BTBD7: variants seen among roughly 807,000 people sequenced by gnomAD.
BTBD7 encodes the protein BTB domain containing 7, also known as BTB/POZ domain-containing protein 7.
In BTBD7, 38 loss-of-function variants were observed where a neutral mutation model predicts 99.9. That is an observed-to-expected ratio of 0.38 (90% CI 0.29 to 0.50). The LOEUF (loss-of-function observed/expected upper bound fraction) is 0.50, where lower values mean the gene tolerates loss of function less well. Ranked by LOEUF, BTBD7 falls within the 20% of genes least tolerant of loss-of-function variation. BTBD7 has a pLI of 0.93. For synonymous variants in BTBD7, 520 were observed against 511.4 expected (o/e 1.02, Z -0.23); for missense variants, 1,170 against 1,394.6 (o/e 0.84, Z 2.57).
intron 1 of BTBD7, among the ~76,000 whole-genome samples, chr14:93,321,661 T>C (rs542619689): frequency 2.0e-5 from 3 of 152,194 alleles, no homozygotes; most frequent in Admixed American, 6.5e-5. Context: ...GCAATTACAA[T>C]GTAGGGGAAG....
At chr14:93,324,849 T>C (rs2139829926) in intron 1 of BTBD7, among the ~76,000 whole-genome samples, 1 of 152,292 alleles carries the variant, frequency 6.6e-6, no homozygotes, top group East Asian at 1.9e-4. Flanking sequence ...GCTGCATGCA[T>C]GAACAAAAGC....
At chr14:93,247,816 G>A (rs2052329782) in intron 9 of BTBD7, among the ~76,000 whole-genome samples, 1 of 152,188 alleles carries the variant, frequency 6.6e-6, no homozygotes, top group Admixed American at 6.5e-5. Flanking sequence ...TATTGCTTTT[G>A]TATCTAATAA....
At chr14:93,288,183 T>C (rs1243865768) in intron 3 of BTBD7, 2 of 269,128 alleles carry the variant, frequency 7.4e-6, no homozygotes, top group Non-Finnish European at 1.4e-5. Flanking sequence ...ACTTTTTATA[T>C]AGAAATTCCT....
At chr14:93,332,586 C>T (rs2053456000) in intron 1 of BTBD7, among the ~76,000 whole-genome samples, 1 of 151,542 alleles carries the variant, frequency 6.6e-6, no homozygotes, top group African/African-American at 2.4e-5. Context: ...CGGCGGCGCG[C>T]TCCAGCCCGC....
chr14:93,271,531 G>C (rs1411715757), intron 3 of BTBD7, among the ~76,000 whole-genome samples: 1 of 152,170 alleles, frequency 6.6e-6, no homozygotes, highest in African/African-American at 2.4e-5. Context: ...GTACAAACAG[G>C]CTCGAGAGAA....
chr14:93,289,839 C>T (rs1019581450), intron 3 of BTBD7, among the ~76,000 whole-genome samples: 3 of 147,098 alleles, frequency 2.0e-5, no homozygotes, highest in Non-Finnish European at 4.5e-5. Flanking sequence ...CCAAGAATCT[C>T]AACTCTCTGG....
In BTBD7 at chr14:93,294,867, C is replaced by T; in HGVS notation, c.153G>A (p.Glu51=). Residue 51 remains glutamate, a synonymous_variant, in exon 3 of 11, where the codon GAG becomes GAA. Transcript: ENST00000334746. ...SKLYSLDHGH[E]KPQDKKKRTS... is the part of the protein sequence containing the mutation. ...TTCTCTTTTTTTTGTCTTGTGGTTT[C>T]TCATGGCCATGGTCAAGGCTATACA... 6.2e-7 allele frequency: 1 copy of T among 1,613,742 alleles called. No individual in the cohort carries two copies. The highest frequency in any genetic ancestry group is 1.1e-5 in the South Asian group (1 of 91,046).
chr14:93,274,741 C>T (rs2052636795), intron 3 of BTBD7, among the ~76,000 whole-genome samples: 1 of 152,166 alleles, frequency 6.6e-6, no homozygotes, highest in Non-Finnish European at 1.5e-5. Flanking sequence ...CGAGGCTCTA[C>T]TTTTTGGAGG....
At position 93,238,005 on chromosome 14, in the gene BTBD7, ATC is replaced by A. The variant is rs1445733945; in HGVS notation, c.*4266_*4267del. The A allele has an allele frequency of 6.6e-6, 1 of 152,424 alleles. No individual in the cohort carries two copies. The highest frequency in any genetic ancestry group is 1.5e-5 in the Non-Finnish European group (1 of 68,052). The allele number at this position is 152,424 out of a possible 1,614,324, so 9.4% of individuals were successfully genotyped here. On this transcript the variant is annotated 3_prime_UTR_variant, in exon 11 of 11. Coordinates refer to ENST00000334746, the MANE Select transcript of BTBD7 (RefSeq NM_001002860.4). ...CAGCAAGGAGAGTTCAGGAACCTTT[ATC>A]TCTCAGCCACCCCATCGAAGAGCAG...
chr14:93,254,236 G>A (rs2052404277), intron 6 of BTBD7, among the ~76,000 whole-genome samples: 1 of 151,978 alleles, frequency 6.6e-6, no homozygotes, highest in Non-Finnish European at 1.5e-5. Flanking sequence ...CGTGCCCGGT[G>A]AAATACCTCA....
chr14:93,331,688 C>T (rs2053415564), intron 1 of BTBD7, among the ~76,000 whole-genome samples: 4 of 152,190 alleles, frequency 2.6e-5, no homozygotes, highest in African/African-American at 7.2e-5. Context: ...CGAGACCAGT[C>T]TGGCCAACAT....
At chr14:93,318,964 C>T (rs2053239019) in intron 1 of BTBD7, among the ~76,000 whole-genome samples, 1 of 152,182 alleles carries the variant, frequency 6.6e-6, no homozygotes, top group Non-Finnish European at 1.5e-5. Flanking sequence ...CGCCTGTAAA[C>T]CCAGCACTTC....
intron 9 of BTBD7, among the ~76,000 whole-genome samples, chr14:93,247,291 G>A (rs907771490): frequency 2.0e-5 from 3 of 151,940 alleles, no homozygotes; most frequent in Non-Finnish European, 4.4e-5. Context: ...GCCTCCCAAA[G>A]TGCTGGGATT....
intron 3 of BTBD7, among the ~76,000 whole-genome samples, chr14:93,267,930 T>C (rs987492910): frequency 6.6e-6 from 1 of 152,244 alleles, no homozygotes; most frequent in African/African-American, 2.4e-5. Flanking sequence ...CAGAATGATC[T>C]TTTAAAATGT....
intron 10 of BTBD7, among the ~76,000 whole-genome samples, 160 bp downstream of exon 10, chr14:93,245,665 C>T (rs1208770155): frequency 1.3e-5 from 2 of 152,178 alleles, no homozygotes; most frequent in Non-Finnish European, 2.9e-5. Context: ...AGTACACTAG[C>T]GTTTTTCCCT....
In BTBD7 at chr14:93,239,173, A is replaced by C. The variant is rs564422230; in HGVS notation, c.*3100T>G. 7.2e-5 allele frequency: 11 copies of C among 152,514 alleles called. No homozygotes were observed. Among genetic ancestry groups the C allele is most frequent in the Admixed American group, 2.0e-4 (3 of 15,274 alleles). The allele number at this position is 152,514 out of a possible 1,614,324, so 9.4% of individuals were successfully genotyped here. On this transcript the variant is annotated 3_prime_UTR_variant, in exon 11 of 11. Transcript: ENST00000334746. ...GAGCCACGGGTGACTCTGAACTTCA[A>C]TTATTCATCAAAATCACAAAACTAA... is the stretch of plus-strand genomic sequence containing the variant.
At chr14:93,244,186 A>G in intron 10 of BTBD7, 1 of 437,292 alleles carries the variant, frequency 2.3e-6, no homozygotes, top group Non-Finnish European at 4.5e-6. Flanking sequence ...GAAAAAGGGT[A>G]AAACTACAAA....
chr14:93,243,965 A>C (rs543618030), intron 10 of BTBD7: 1 of 185,210 alleles, frequency 5.4e-6, no homozygotes, highest in East Asian at 1.7e-4. Context: ...AGAGAGGTCT[A>C]AGAAGGCGAG....
intron 1 of BTBD7, among the ~76,000 whole-genome samples, chr14:93,315,226 G>A (rs2053186157): frequency 6.6e-6 from 1 of 152,142 alleles, no homozygotes; most frequent in South Asian, 2.1e-4. Flanking sequence ...CTTCTATTAA[G>A]GAGGAAGTTA....
Sources: gnomAD v4.1 joint callset for allele counts (sites outside exome capture counted in the v4.1 genomes callset) on GRCh38, gnomAD v4.1.1 for gene constraint, MANE v1.5 for transcripts, NCBI Gene and HGNC (gene_info 2026-07-23, HGNC 2026-07-21) for gene names.